Variants in RASSF6 observed in about 807,000 individuals in gnomAD.
RASSF6 encodes the protein ras association domain-containing protein 6.
RASSF6 carries 52 observed loss-of-function variants against 44.0 expected under a neutral mutation model. The ratio of observed to expected loss-of-function variants is 1.18; its 90% CI spans 0.95 to 1.49. RASSF6 has a LOEUF of 1.49. Ranked by LOEUF, RASSF6 falls within the 40% of genes most tolerant of loss-of-function variation. The pLI, the probability that RASSF6 is intolerant of heterozygous loss-of-function variation, is 0.00. For missense variants in RASSF6, 464 were observed against 393.3 expected (o/e 1.18, Z -1.52); for synonymous variants, 162 against 124.6 (o/e 1.30, Z -2.00).
At chr4:73,604,946 A>G (rs1433574906) in intron 2 of RASSF6, among the ~76,000 whole-genome samples, 3 of 149,276 alleles carry the variant, frequency 2.0e-5, no homozygotes, top group Admixed American at 6.7e-5. Flanking sequence ...CTGGAGTGCA[A>G]TGGTGTGATC....
At chr4:73,610,042 T>C (rs1172690202) in intron 2 of RASSF6, among the ~76,000 whole-genome samples, 1 of 152,172 alleles carries the variant, frequency 6.6e-6, no homozygotes, top group African/African-American at 2.4e-5. Context: ...TGCTTCTTAT[T>C]CAATCTCAAA....
In RASSF6 at chr4:73,576,711, TC is replaced by T; in HGVS notation, c.741del (p.Thr248GlnfsTer52). 6.2e-7 allele frequency: 1 copy of T among 1,609,958 alleles called. No individual in the cohort carries two copies. Among genetic ancestry groups the T allele is most frequent in the East Asian group, 2.2e-5 (1 of 44,842 alleles). On this transcript the variant is annotated frameshift_variant, in exon 9 of 11. Coordinates refer to ENST00000307439, the MANE Select transcript of RASSF6 (RefSeq NM_177532.5). LOFTEE classifies it high-confidence loss of function. ...AGCCTCTGCAGTAGCGGAATGTCTG[TC>T]TTCTTTAGTCGTCTTTGTTCTGCAG... ...FATGEQRRLK[K>X]TDIPLLQRLL... is the part of the protein sequence containing the mutation.
At chr4:73,586,560 A>T (rs1370061372) in intron 5 of RASSF6, among the ~76,000 whole-genome samples, 1 of 151,940 alleles carries the variant, frequency 6.6e-6, no homozygotes, top group Non-Finnish European at 1.5e-5. Context: ...ATGCATATTC[A>T]TATGTAAGAA....
At chr4:73,603,408 A>C (rs1438076995) in intron 2 of RASSF6, among the ~76,000 whole-genome samples, 1 of 152,076 alleles carries the variant, frequency 6.6e-6, no homozygotes, top group African/African-American at 2.4e-5. Flanking sequence ...GTATAAGCCG[A>C]TGAATACCCA....
chr4:73,576,819 T>A, intron 8 of RASSF6, 88 bp from the exon 9 acceptor site: 1 of 846,586 alleles, frequency 1.2e-6, no homozygotes, highest in Non-Finnish European at 1.8e-6. Context: ...TTTTCGTATT[T>A]AACTCACTTT....
At chr4:73,582,410 G>T in intron 6 of RASSF6, 120 bp from the exon 7 acceptor site, 1 of 463,236 alleles carries the variant, frequency 2.2e-6, no homozygotes. Context: ...TAAAAAATTT[G>T]TTTTGTTTTT....
intron 1 of RASSF6, among the ~76,000 whole-genome samples, chr4:73,612,495 T>TA: frequency 7.0e-6 from 1 of 142,970 alleles, no homozygotes; most frequent in African/African-American, 2.6e-5. Flanking sequence ...TTTTTTTTTT[T>TA]AAAAAAAAAA....
upstream of RASSF6, chr4:73,620,462 C>T (rs758074887): frequency 6.9e-5 from 106 of 1,546,816 alleles, no homozygotes; most frequent in Non-Finnish European, 8.3e-5. Context: ...CCGAGGCCCG[C>T]GCGGGCGCAG....
At position 73,582,169 on chromosome 4, in the gene RASSF6, A is replaced by G. The variant is rs951910560; in HGVS notation, c.669+20T>C. ...ATTATATATAATATATTTATAGCTC[A>G]GTTAAGTGATAAAGGTTACCTTAAA... On this transcript the variant is annotated intron_variant, in intron 7 of 10. Transcript: ENST00000307439. The G allele has an allele frequency of 3.7e-6, 4 of 1,069,872 alleles. No homozygotes were observed. The highest frequency in any genetic ancestry group is 5.6e-6 in the Non-Finnish European group (4 of 714,774). The allele number at this position is 1,069,872 out of a possible 1,614,324, so 66.3% of individuals were successfully genotyped here.
At chr4:73,618,301 T>TATCTATCTATCTATCTATCTATC (rs141840617) in intron 1 of RASSF6, among the ~76,000 whole-genome samples, 1 of 150,216 alleles carries the variant, frequency 6.7e-6, no homozygotes, top group Non-Finnish European at 1.5e-5. Context: ...TATAAAGTTG[T>TATCTATCTATCTATCTATCTATC]TATCTATCTA....
chr4:73,618,301 T>TTATCTATCTATCTATCTATCTATCTATC (rs60389955), intron 1 of RASSF6, among the ~76,000 whole-genome samples: 4,284 of 150,288 alleles, frequency 0.029, 69 homozygotes, highest in East Asian at 0.045. Context: ...TATAAAGTTG[T>TTATCTATCTATCTATCTATCTATCTATC]TATCTATCTA....
intron 1 of RASSF6, among the ~76,000 whole-genome samples, chr4:73,614,716 C>G (rs149057216): frequency 1.3e-5 from 2 of 152,288 alleles, no homozygotes; most frequent in East Asian, 3.9e-4. Flanking sequence ...CACTGTTGAT[C>G]TATGCTGAGG....
At chr4:73,618,274 A>G (rs1002228113) in intron 1 of RASSF6, among the ~76,000 whole-genome samples, 22 of 104,388 alleles carry the variant, frequency 2.1e-4, no homozygotes, top group Middle Eastern at 4.6e-3. Context: ...ATTCAACACA[A>G]TATTCTAATG....
chr4:73,579,405 A>G lies in RASSF6; in HGVS notation c.721+2412T>C, dbSNP rs547973305. ...AAAGTCATATTTTCACTAGTGTTGC[A>G]TAAAAATATCTTTTTACCCTGATGC... is the stretch of plus-strand genomic sequence containing the variant. On this transcript the variant is annotated intron_variant, in intron 8 of 10. Coordinates refer to ENST00000307439, the MANE Select transcript of RASSF6 (RefSeq NM_177532.5). 2.0e-5 allele frequency among the ~76,000 whole-genome samples: 3 copies of G among 152,334 alleles called. No individual in the cohort carries two copies. In the South Asian group the frequency reaches 6.2e-4, roughly 32 times the overall value.
At chr4:73,590,111 A>T (rs978275378) in intron 4 of RASSF6, among the ~76,000 whole-genome samples, 2 of 152,234 alleles carry the variant, frequency 1.3e-5, no homozygotes, top group Admixed American at 1.3e-4. Flanking sequence ...TTTCCAAAAC[A>T]CTTGTGCCAG....
rs566273314 is a variant in RASSF6 at position 73,587,145 on chromosome 4, TATGC to T, written c.382+691_382+694del. ...AAAATTCATATAAAGTACAAAATAT[TATGC>T]CTGATACTTACCAGAGTCTCATCAG... On this transcript the variant is annotated intron_variant, in intron 5 of 10. Coordinates refer to ENST00000307439, the MANE Select transcript of RASSF6 (RefSeq NM_177532.5). Among the ~76,000 whole-genome samples the T allele has an allele frequency of 1.5e-3, 231 of 152,136 alleles. 5 individuals carry two copies. In the South Asian group the frequency reaches 0.043, roughly 29 times the overall value.
intron 7 of RASSF6, 113 bp from the exon 8 acceptor site, chr4:73,581,981 C>T: frequency 2.5e-6 from 2 of 813,702 alleles, no homozygotes; most frequent in Non-Finnish European, 2.0e-6. Context: ...CACTTTTAGA[C>T]ATAAAATCTT....
At chr4:73,604,367 C>A (rs554202699) in intron 2 of RASSF6, 4 of 151,912 alleles carry the variant, frequency 2.6e-5, no homozygotes, top group Non-Finnish European at 5.9e-5. Context: ...CCCAGCTACT[C>A]GTGAGTCTAG....
At chr4:73,585,492 T>A in intron 5 of RASSF6, 128 bp from the exon 6 acceptor site, 1 of 558,462 alleles carries the variant, frequency 1.8e-6, no homozygotes, top group Non-Finnish European at 2.9e-6. Context: ...AGCATTATAG[T>A]CCACTGCTTA....
Sources: allele counts gnomAD v4.1 joint callset (sites outside exome capture counted in the v4.1 genomes callset), GRCh38; gene constraint gnomAD v4.1.1; transcripts MANE v1.5; gene names NCBI Gene and HGNC (gene_info 2026-07-23, HGNC 2026-07-21).